SPECC1L: variants seen among roughly 807,000 people sequenced by gnomAD.
The protein encoded by SPECC1L is sperm antigen with calponin homology and coiled-coil domains 1 like.
A neutral mutation model predicts 116.8 loss-of-function variants in SPECC1L; 40 were observed. The ratio of observed to expected loss-of-function variants is 0.34; its 90% CI spans 0.27 to 0.45. The LOEUF (loss-of-function observed/expected upper bound fraction) is 0.45, where lower values mean the gene tolerates loss of function less well. Among genes scored for constraint, SPECC1L ranks in the 20% least tolerant of loss-of-function variants. The pLI, the probability that SPECC1L is intolerant of heterozygous loss-of-function variation, is 1.00. For synonymous variants in SPECC1L, 504 were observed against 500.6 expected (o/e 1.01, Z -0.09); for missense variants, 1,110 against 1,373.6 (o/e 0.81, Z 3.03).
chr22:24,391,250 T>TC (rs1389837987), intron 14 of SPECC1L, among the ~76,000 whole-genome samples: 1 of 152,156 alleles, frequency 6.6e-6, no homozygotes, highest in African/African-American at 2.4e-5. Context: ...AAGAACTCTT[T>TC]CCTGTTTTCA....
chr22:24,386,907 A>G (rs1260485380), intron 14 of SPECC1L, among the ~76,000 whole-genome samples: 1 of 152,168 alleles, frequency 6.6e-6, no homozygotes, highest in African/African-American at 2.4e-5. Flanking sequence ...CCTGGCCCTC[A>G]GGATCTAATT....
intron 15 of SPECC1L, chr22:24,412,347 C>A: frequency 2.1e-6 from 1 of 481,224 alleles, no homozygotes; most frequent in Non-Finnish European, 3.8e-6. Context: ...TCCTAACTAG[C>A]TTTTGGGGGT....
intron 10 of SPECC1L, among the ~76,000 whole-genome samples, chr22:24,340,140 CTT>C (rs765402107): frequency 2.7e-3 from 282 of 105,080 alleles, no homozygotes; most frequent in African/African-American, 0.012. Context: ...ATTTAATGAC[CTT>C]TTTTTTTTTT....
At chr22:24,408,445 G>A (rs1569450802) in intron 14 of SPECC1L, among the ~76,000 whole-genome samples, 1 of 152,240 alleles carries the variant, frequency 6.6e-6, no homozygotes. Context: ...GAAAGTGTGA[G>A]GACTACAGAC....
intron 9 of SPECC1L, among the ~76,000 whole-genome samples, chr22:24,336,770 A>T (rs1467321243): frequency 1.3e-5 from 2 of 152,142 alleles, no homozygotes; most frequent in African/African-American, 4.8e-5. Flanking sequence ...CAGCAATTCT[A>T]CTCCTAATTA....
rs529552031 is a variant in SPECC1L at position 24,296,207 on chromosome 22, A to G, written c.-37-5988A>G. 2.4e-4 allele frequency among the ~76,000 whole-genome samples: 37 copies of G among 152,266 alleles called. 1 individual carries two copies. Among genetic ancestry groups the G allele is most frequent in the East Asian group, 1.5e-3 (8 of 5,178 alleles). ...ATTGACCTGGAGAGAATTACTTGCA[A>G]TCTCTGATCCTTAGTTCCTTCATCT... On this transcript the variant is annotated intron_variant, in intron 2 of 16. Coordinates refer to ENST00000314328, the MANE Select transcript of SPECC1L (RefSeq NM_015330.6).
chr22:24,338,375 T>C lies in SPECC1L; in HGVS notation c.2561-11T>C. ...TGACATTATTTCCCTTTTTGTTTGT[T>C]GTTTTTGTAGTACCAAACCCTGCTG... On this transcript the variant is annotated splice_polypyrimidine_tract_variant and intron_variant, in intron 9 of 16. Transcript: ENST00000314328. The C allele has an allele frequency of 6.2e-7, 1 of 1,613,658 alleles. No individual in the cohort carries two copies. Among genetic ancestry groups the C allele is most frequent in the Non-Finnish European group, 8.5e-7 (1 of 1,179,660 alleles).
chr22:24,284,802 AAAG>A (rs1317729284), intron 2 of SPECC1L, among the ~76,000 whole-genome samples: 3 of 152,196 alleles, frequency 2.0e-5, no homozygotes, highest in African/African-American at 7.2e-5. Flanking sequence ...AACAGTTCAG[AAAG>A]AAGGAGGACA....
At chr22:24,276,303 G>A (rs1029806452) in intron 1 of SPECC1L, among the ~76,000 whole-genome samples, 25 of 152,286 alleles carry the variant, frequency 1.6e-4, no homozygotes, top group Non-Finnish European at 2.8e-4. Flanking sequence ...GTGGTGGTGC[G>A]CACCTGTGGT....
rs765716305 is a variant in SPECC1L, at chr22:24,338,370, T to A, written c.2561-16T>A. On this transcript the variant is annotated splice_polypyrimidine_tract_variant and intron_variant, in intron 9 of 16. Transcript: ENST00000314328. ...TACAGTGACATTATTTCCCTTTTTG[T>A]TTGTTGTTTTTGTAGTACCAAACCC... 2.5e-6 allele frequency: 4 copies of A among 1,612,894 alleles called. No homozygotes were observed. The East Asian group carries it at 8.9e-5, about 36-fold the overall frequency.
At chr22:24,278,994 C>G (rs2048889803) in intron 2 of SPECC1L, among the ~76,000 whole-genome samples, 1 of 152,152 alleles carries the variant, frequency 6.6e-6, no homozygotes, top group East Asian at 1.9e-4. Flanking sequence ...TTAATAGACA[C>G]TCTTCACAAA....
At chr22:24,316,274 T>A (rs1394761884) in intron 4 of SPECC1L, among the ~76,000 whole-genome samples, 2 of 149,120 alleles carry the variant, frequency 1.3e-5, no homozygotes, top group Admixed American at 6.7e-5. Flanking sequence ...CAGATTTTCT[T>A]TTTATTTATT....
chr22:24,293,170 G>T (rs1260073504), intron 2 of SPECC1L, among the ~76,000 whole-genome samples: 1 of 152,136 alleles, frequency 6.6e-6, no homozygotes, highest in Non-Finnish European at 1.5e-5. Context: ...AAAACATTAG[G>T]GGAGGCTGGG....
In SPECC1L at chr22:24,322,583, G is replaced by C. The variant is rs1371807145; in HGVS notation, c.1603G>C (p.Gly535Arg). The change falls in exon 5 of 17, where the codon GGG becomes CGG. Residue 535 changes from glycine (G) to arginine (R), a missense_variant. By Grantham distance (125) the Gly-to-Arg change is moderately radical. This residue lies in a region of SPECC1L where 575 missense variants were observed against 682.4 expected (regional missense o/e 0.84). Coordinates refer to ENST00000314328, the MANE Select transcript of SPECC1L (RefSeq NM_015330.6). ...QDNKEAQEMIGALKERSHHME... is the reference protein window; with the variant it reads ...QDNKEAQEMIRALKERSHHME... The stretch of plus-strand genomic sequence containing the variant: ...CAATAAGGAAGCTCAAGAAATGATA[G>C]GGGCACTCAAAGAACGCAGTCACCA... 6.2e-7 allele frequency: 1 copy of C among 1,614,026 alleles called. No individual in the cohort carries two copies. The highest frequency in any genetic ancestry group is 8.5e-7 in the Non-Finnish European group (1 of 1,180,040).
intron 14 of SPECC1L, among the ~76,000 whole-genome samples, chr22:24,410,425 G>GC (rs1454163533): frequency 6.6e-6 from 1 of 152,178 alleles, no homozygotes; most frequent in Non-Finnish European, 1.5e-5. Flanking sequence ...GAACAGCCCT[G>GC]CCCCACTCCT....
At chr22:24,346,418 G>A (rs576169736) in intron 10 of SPECC1L, among the ~76,000 whole-genome samples, 1 of 152,334 alleles carries the variant, frequency 6.6e-6, no homozygotes, top group South Asian at 2.1e-4. Flanking sequence ...AGTTGTTGTA[G>A]CATTAGCAAG....
intron 14 of SPECC1L, among the ~76,000 whole-genome samples, chr22:24,391,922 A>G (rs929162041): frequency 1.3e-5 from 2 of 152,228 alleles, no homozygotes; most frequent in Non-Finnish European, 2.9e-5. Flanking sequence ...TAGCTTTAAG[A>G]TAATTGTCTC....
At position 24,322,099 on chromosome 22, in the gene SPECC1L, C is replaced by G. The variant is rs370468668; in HGVS notation, c.1119C>G (p.Gly373=). Residue 373 remains glycine, a synonymous_variant, in exon 5 of 17, where the codon GGC becomes GGG. Transcript: ENST00000314328. ...LDAPSSSESE[G]IPSIERSRKG... ...CACCATCCTCCTCAGAGTCGGAAGG[C>G]ATCCCCAGCATAGAGCGCTCCCGGA... is the stretch of plus-strand genomic sequence containing the variant. 9.9e-6 allele frequency: 16 copies of G among 1,614,132 alleles called. No individual in the cohort carries two copies. In the African/African-American group the frequency reaches 2.1e-4, roughly 22 times the overall value.
At position 24,294,212 on chromosome 22, in the gene SPECC1L, A is replaced by G. The variant is rs796429967; in HGVS notation, c.-37-7983A>G. On this transcript the variant is annotated intron_variant, in intron 2 of 16. Coordinates refer to ENST00000314328, the MANE Select transcript of SPECC1L (RefSeq NM_015330.6). ...ACCTCCTACTTTGTTGCCCAAAGTA[A>G]GGCAGAATTGGGGATCTTTCTGCTT... Among the ~76,000 whole-genome samples, 33 of 116,766 alleles carry G rather than the reference A, an allele frequency of 2.8e-4. 2 individuals are homozygous for G. In the South Asian group the frequency reaches 0.01, roughly 37 times the overall value. The allele number at this position is 116,766 out of a possible 152,430, so 76.6% of individuals were successfully genotyped here.
Sources: gnomAD v4.1 joint callset for allele counts (sites outside exome capture counted in the v4.1 genomes callset) on GRCh38, gnomAD v4.1.1 for gene constraint, gnomAD v4.1.1 regional missense constraint, MANE v1.5 for transcripts, NCBI Gene and HGNC (gene_info 2026-07-23, HGNC 2026-07-21) for gene names.